The following LUZP4 variants were observed in gnomAD, a reference collection of about 807,000 sequenced individuals.
LUZP4 encodes the protein HOM-TES-85 tumor antigen.
In LUZP4, 11 loss-of-function variants were observed where a neutral mutation model predicts 8.5. That is an observed-to-expected ratio of 1.30 (90% CI 0.82 to 2.14). The LOEUF (loss-of-function observed/expected upper bound fraction) is 2.14, where lower values mean the gene tolerates loss of function less well. LUZP4 is among the 30% of genes most tolerant of loss of function. LUZP4 has a pLI of 0.00. For synonymous variants in LUZP4, 104 were observed against 79.4 expected (o/e 1.31, Z -1.65); for missense variants, 276 against 229.7 (o/e 1.20, Z -1.30).
chrX:115,290,673 T>A (rs781980285), intron 1 of LUZP4, among the ~76,000 whole-genome samples: 1 of 109,536 alleles, frequency 9.1e-6, no homozygotes, highest in Non-Finnish European at 1.9e-5. Flanking sequence ...CAGAGCTGAG[T>A]AGAGAGGATG....
intron 1 of LUZP4, among the ~76,000 whole-genome samples, chrX:115,297,869 CGT>C (rs2073377675): frequency 9.2e-6 from 1 of 108,832 alleles, no homozygotes; most frequent in South Asian, 4.3e-4. Flanking sequence ...AGAGCAGTGG[CGT>C]AATCTCGGCT....
At position 115,306,700 on chromosome X, in the gene LUZP4, C is replaced by A; in HGVS notation, c.838C>A (p.Leu280Ile). 1 of 1,211,095 alleles carries A rather than the reference C, an allele frequency of 8.3e-7. No homozygotes were observed. Among genetic ancestry groups the A allele is most frequent in the Non-Finnish European group, 1.1e-6 (1 of 895,396 alleles). Residue 280 changes from leucine to isoleucine, a missense_variant, in exon 4 of 4, where the codon CTC becomes ATC. Transcript: ENST00000371920. Reference protein sequence around the residue: ...QRDLIVTQRDLVATERDLINQ... With the variant: ...QRDLIVTQRDIVATERDLINQ... ...AGATCTCATAGTCACTCAGAGAGATCTCGTGGCCACTGAGAGAGATCTCAT... is the reference window on the plus strand; with the variant it reads ...AGATCTCATAGTCACTCAGAGAGATATCGTGGCCACTGAGAGAGATCTCAT...
intron 1 of LUZP4, among the ~76,000 whole-genome samples, chrX:115,296,756 T>C (rs1360703237): frequency 9.0e-6 from 1 of 111,561 alleles, no homozygotes; most frequent in Non-Finnish European, 1.9e-5. Context: ...AGTCTAAGGA[T>C]TAAAATTACG....
At chrX:115,300,233 T>A (rs1239146673) in intron 1 of LUZP4, among the ~76,000 whole-genome samples, 1 of 111,533 alleles carries the variant, frequency 9.0e-6, no homozygotes, top group Non-Finnish European at 1.9e-5. Context: ...CAGTCCACAC[T>A]CTGTTGGCCC....
chrX:115,289,755 G>A lies in LUZP4; in HGVS notation c.-5G>A, dbSNP rs373312228. On this transcript the variant is annotated 5_prime_UTR_variant, in exon 1 of 4. Transcript: ENST00000371920. The stretch of plus-strand genomic sequence containing the variant: ...CGGAGTGTGTGGCGCCATGATGCAG[G>A]GAAGATGGCTTCGTTTCGGAAGCTA... 26 of 1,198,329 alleles carry A rather than the reference G, an allele frequency of 2.2e-5. No homozygotes were observed. The African/African-American group carries it at 4.2e-4, about 19-fold the overall frequency.
At chrX:115,305,085 C>T (rs1443776379) in intron 3 of LUZP4, among the ~76,000 whole-genome samples, 2 of 111,750 alleles carry the variant, frequency 1.8e-5, no homozygotes, top group East Asian at 5.6e-4. Context: ...TTCTTATATA[C>T]TTATTTCTTA....
In LUZP4 at chrX:115,306,482, A is replaced by G. The variant is rs1556604019; in HGVS notation, c.620A>G (p.His207Arg). ...GGTCAATCTGAGAGATCTCATGGCCACTCAGAGAGATCTCATGGTCACTCA... is the reference window on the plus strand; with the variant it reads ...GGTCAATCTGAGAGATCTCATGGCCGCTCAGAGAGATCTCATGGTCACTCA... ...SHGQSERSHG[H>R]SERSHGHSER... Residue 207 changes from histidine to arginine, a missense_variant, in exon 4 of 4, where the codon CAC becomes CGC. Coordinates refer to ENST00000371920, the MANE Select transcript of LUZP4 (RefSeq NM_016383.5). The G allele has an allele frequency of 2.5e-6, 3 of 1,208,324 alleles. No homozygotes were observed. The highest frequency in any genetic ancestry group is 3.4e-6 in the Non-Finnish European group (3 of 893,269).
intron 1 of LUZP4, among the ~76,000 whole-genome samples, chrX:115,298,391 A>G (rs1479382260): frequency 1.8e-5 from 2 of 112,183 alleles, no homozygotes; most frequent in Admixed American, 9.4e-5. Context: ...TTCTACCCCT[A>G]TCTCTTTCTC....
At chrX:115,296,567 C>A (rs1556599020) in intron 1 of LUZP4, among the ~76,000 whole-genome samples, 1 of 111,727 alleles carries the variant, frequency 9.0e-6, no homozygotes, top group African/African-American at 3.3e-5. Context: ...TTCTTCATAA[C>A]CTCATAGCCT....
chrX:115,303,481 T>G (rs2232733), intron 3 of LUZP4, 63 bp downstream of exon 3: 14,264 of 559,008 alleles, frequency 0.026, 172 homozygotes, highest in Middle Eastern at 0.12. Context: ...TTCCTAATAT[T>G]AATGATTTAC....
intron 1 of LUZP4, among the ~76,000 whole-genome samples, chrX:115,290,306 T>C (rs896449021): frequency 4.5e-5 from 5 of 111,415 alleles, no homozygotes; most frequent in African/African-American, 1.6e-4. Context: ...CTTAGGCTAT[T>C]TTACTAGGGA....
At chrX:115,303,254 A>G (rs782747500) in intron 2 of LUZP4, 46 bp from the exon 3 acceptor site, 1 of 759,837 alleles carries the variant, frequency 1.3e-6, no homozygotes, top group East Asian at 3.4e-5. Context: ...TGAAAGATAC[A>G]TTGAATTTAC....
Position 115,306,909 on chromosome X carries a change from T to C in LUZP4, c.*105T>C. On this transcript the variant is annotated 3_prime_UTR_variant, in exon 4 of 4. Transcript: ENST00000371920. ...AAACATGTATATTGGGACAAAGACA[T>C]AAATATTAGAATGGAGGTAATACAT... 1 of 755,395 alleles carries C rather than the reference T, an allele frequency of 1.3e-6. No individual in the cohort carries two copies. The highest frequency in any genetic ancestry group is 2.0e-6 in the Non-Finnish European group (1 of 510,800). 62.3% of individuals were successfully genotyped at this position (755,395 alleles called of 1,213,427 possible).
intron 3 of LUZP4, among the ~76,000 whole-genome samples, chrX:115,304,882 T>C (rs1325134379): frequency 8.9e-6 from 1 of 111,967 alleles, no homozygotes; most frequent in Non-Finnish European, 1.9e-5. Flanking sequence ...CAGTTTTCAA[T>C]AATACTTTAC....
rs1212704636 is a variant in LUZP4, at chrX:115,305,628, G to A, written c.343-577G>A. On this transcript the variant is annotated intron_variant, in intron 3 of 3. Coordinates refer to ENST00000371920, the MANE Select transcript of LUZP4 (RefSeq NM_016383.5). ...CCACTGTCTTTTTGGCTTAAAAATT[G>A]AAAAGGTAGAAAGGCTGTGTTGTTG... 5.3e-5 allele frequency among the ~76,000 whole-genome samples: 6 copies of A among 112,498 alleles called. No homozygotes were observed. In the Admixed American group the frequency reaches 5.6e-4, roughly 11 times the overall value.
At chrX:115,305,675 G>A (rs1454387928) in intron 3 of LUZP4, among the ~76,000 whole-genome samples, 2 of 112,660 alleles carry the variant, frequency 1.8e-5, no homozygotes, top group Admixed American at 9.4e-5. Context: ...TACTTGAATA[G>A]TATTAAGCCA....
chrX:115,295,471 C>T (rs782275713), intron 1 of LUZP4, among the ~76,000 whole-genome samples: 8 of 62,825 alleles, frequency 1.3e-4, no homozygotes, highest in Non-Finnish European at 2.6e-4. Flanking sequence ...ATACTTTTTC[C>T]TGATAAATTT....
chrX:115,304,647 G>C (rs1365423679), intron 3 of LUZP4, among the ~76,000 whole-genome samples: 2 of 109,479 alleles, frequency 1.8e-5, no homozygotes, highest in Non-Finnish European at 1.9e-5. Flanking sequence ...AAGTAGCTGG[G>C]ACTATAGGCA....
At chrX:115,305,184 T>C (rs1352431380) in intron 3 of LUZP4, among the ~76,000 whole-genome samples, 1 of 112,087 alleles carries the variant, frequency 8.9e-6, no homozygotes, top group African/African-American at 3.2e-5. Context: ...CAGTCCTATC[T>C]TTCCTACTGA....
Sources: allele counts gnomAD v4.1 joint callset (sites outside exome capture counted in the v4.1 genomes callset), GRCh38; gene constraint gnomAD v4.1.1; transcripts MANE v1.5; gene names NCBI Gene and HGNC (gene_info 2026-07-23, HGNC 2026-07-21).